Variants in ARHGEF3 observed in about 807,000 individuals in gnomAD.
ARHGEF3 encodes the protein 59.8 kDA protein.
Under a neutral mutation model 63.2 loss-of-function variants are expected in ARHGEF3, and 28 were observed. The observed-to-expected ratio is 0.44, with a 90% confidence interval of 0.33 to 0.61. The LOEUF (loss-of-function observed/expected upper bound fraction) is 0.61, where lower values mean the gene tolerates loss of function less well. ARHGEF3 is among the 20% of genes least tolerant of loss of function. The pLI is 0.03. For missense variants in ARHGEF3, 533 were observed against 659.3 expected, an observed-to-expected ratio of 0.81 and a Z score of 2.10; for synonymous variants, 266 against 254.2, an observed-to-expected ratio of 1.05 and a Z score of -0.44.
chr3:56,985,976 A>G (rs1181833059), intron 2 of ARHGEF3, among the ~76,000 whole-genome samples: 1 of 152,178 alleles, frequency 6.6e-6, no homozygotes, highest in Non-Finnish European at 1.5e-5. Context: ...GCCCTGTTCA[A>G]AGACTCTCAA....
chr3:56,939,704 A>G (rs1699082727), intron 3 of ARHGEF3: 1 of 152,238 alleles, frequency 6.6e-6, no homozygotes. Flanking sequence ...CAATAACTAA[A>G]TGGACTGCTT....
At chr3:56,901,992 T>A (rs2041524861) in intron 3 of ARHGEF3, among the ~76,000 whole-genome samples, 1 of 152,202 alleles carries the variant, frequency 6.6e-6, no homozygotes, top group Non-Finnish European at 1.5e-5. Context: ...CTCTTGTGCT[T>A]AGAAATACTA....
Position 57,036,328 on chromosome 3 carries a change from G to A in ARHGEF3, c.-27-1152C>T, listed in dbSNP as rs767373414. On this transcript the variant is annotated intron_variant, in intron 1 of 12. Coordinates refer to the ARHGEF3 transcript ENST00000338458. ...CACCTGGACTGGTAAAATACCATTC[G>A]GGTGCATGACGCCCAAGTTTAGGTA... 2.0e-5 allele frequency among the ~76,000 whole-genome samples: 3 copies of A among 152,086 alleles called. 1 individual carries two copies. The highest frequency in any genetic ancestry group is 4.2e-4 in the South Asian group (2 of 4,816).
intron 3 of ARHGEF3, among the ~76,000 whole-genome samples, chr3:56,951,677 T>G (rs1302754757): frequency 1.3e-5 from 2 of 152,008 alleles, no homozygotes; most frequent in Non-Finnish European, 2.9e-5. Flanking sequence ...TCCTATGTAT[T>G]TTCTCTTCTA....
intron 3 of ARHGEF3, among the ~76,000 whole-genome samples, chr3:56,908,554 T>A (rs527376567): frequency 6.6e-6 from 1 of 152,210 alleles, no homozygotes; most frequent in African/African-American, 2.4e-5. Flanking sequence ...ATCCATGTCT[T>A]TGGCTTCAGA....
chr3:56,818,663 C>T (rs1169796785), intron 4 of ARHGEF3, among the ~76,000 whole-genome samples: 1 of 152,142 alleles, frequency 6.6e-6, no homozygotes. Context: ...AATTCTTTTT[C>T]GTGAGAATGA....
chr3:57,014,911 T>A (rs1702920559), intron 2 of ARHGEF3, among the ~76,000 whole-genome samples: 1 of 152,100 alleles, frequency 6.6e-6, no homozygotes, highest in African/African-American at 2.4e-5. Flanking sequence ...GGTCTCGATC[T>A]CCTGACCTCG....
At chr3:56,790,849 C>CACATTT (rs2037045063) in intron 1 of ARHGEF3, among the ~76,000 whole-genome samples, 2 of 152,148 alleles carry the variant, frequency 1.3e-5, no homozygotes, top group South Asian at 4.1e-4. Context: ...GTAGCGTCTT[C>CACATTT]CTCTAGGAAG....
chr3:56,933,412 C>CT (rs1311691690), intron 3 of ARHGEF3, among the ~76,000 whole-genome samples: 3 of 127,076 alleles, frequency 2.4e-5, no homozygotes, highest in East Asian at 2.3e-4. Context: ...TTTTTTTTTA[C>CT]TTTTTTTTAG....
chr3:56,844,179 G>T (rs1436442937), intron 4 of ARHGEF3, among the ~76,000 whole-genome samples: 2 of 152,224 alleles, frequency 1.3e-5, no homozygotes, highest in Non-Finnish European at 2.9e-5. Flanking sequence ...TATTATGTAG[G>T]ATTTTCAGTT....
At chr3:56,912,449 A>G (rs944087508) in intron 3 of ARHGEF3, among the ~76,000 whole-genome samples, 2 of 152,192 alleles carry the variant, frequency 1.3e-5, no homozygotes, top group Admixed American at 6.5e-5. Flanking sequence ...ATGGCTAAAA[A>G]CATCATTTCT....
chr3:56,995,624 AG>A (rs1701944347), intron 2 of ARHGEF3, among the ~76,000 whole-genome samples: 1 of 22,400 alleles, frequency 4.5e-5, no homozygotes, highest in East Asian at 6.1e-3. Context: ...ATTTTCCGAG[AG>A]AGAGAGAGAG....
intron 3 of ARHGEF3, among the ~76,000 whole-genome samples, chr3:56,887,384 G>A (rs1350530103): frequency 4.6e-5 from 7 of 152,238 alleles, no homozygotes; most frequent in African/African-American, 1.2e-4. Context: ...ATTATACCTG[G>A]GATCTTGGGA....
intron 2 of ARHGEF3, among the ~76,000 whole-genome samples, chr3:56,995,239 T>C (rs1701923722): frequency 6.6e-6 from 1 of 152,136 alleles, no homozygotes; most frequent in Non-Finnish European, 1.5e-5. Context: ...TCCTCTGTGC[T>C]ATGAGCTGAG....
chr3:57,030,023 G>A (rs1409977550), intron 2 of ARHGEF3, among the ~76,000 whole-genome samples: 1 of 152,160 alleles, frequency 6.6e-6, no homozygotes, highest in African/African-American at 2.4e-5. Flanking sequence ...AAGGAGAAGA[G>A]AGCAGCTAAG....
At chr3:56,806,830 C>T (rs184525957), upstream of ARHGEF3, among the ~76,000 whole-genome samples, 3 of 143,308 alleles carry the variant, frequency 2.1e-5, no homozygotes, top group East Asian at 5.9e-4. Context: ...GCCTTCTCAG[C>T]CAACAGGACA....
At chr3:57,053,855 G>A (rs192176638) in intron 1 of ARHGEF3, among the ~76,000 whole-genome samples, 17 of 152,310 alleles carry the variant, frequency 1.1e-4, no homozygotes, top group African/African-American at 3.8e-4. Context: ...TCTCATTGCT[G>A]AGTGTATCCC....
At chr3:56,787,683 C>A (rs190388114) in intron 1 of ARHGEF3, among the ~76,000 whole-genome samples, 10 of 151,942 alleles carry the variant, frequency 6.6e-5, no homozygotes, top group Non-Finnish European at 1.3e-4. Flanking sequence ...CCCCGCCACC[C>A]CGACACTGGC....
chr3:56,872,363 GTA>G (rs2040456649), intron 4 of ARHGEF3, among the ~76,000 whole-genome samples: 1 of 152,112 alleles, frequency 6.6e-6, no homozygotes, highest in Non-Finnish European at 1.5e-5. Flanking sequence ...GGAGCATAAC[GTA>G]TATAGCATGT....
Sources: allele counts gnomAD v4.1 joint callset (sites outside exome capture counted in the v4.1 genomes callset), GRCh38; gene constraint gnomAD v4.1.1; transcripts MANE v1.5; gene names NCBI Gene and HGNC (gene_info 2026-07-23, HGNC 2026-07-21).